The following DACH2 variants were observed in gnomAD, a reference collection of about 807,000 sequenced individuals.
The protein encoded by DACH2 is dachshund homolog 2.
A neutral mutation model predicts 35.8 loss-of-function variants in DACH2; 17 were observed. That is an observed-to-expected ratio of 0.48 (90% CI 0.33 to 0.71). The LOEUF (loss-of-function observed/expected upper bound fraction) is 0.71. DACH2 is among the 30% of genes least tolerant of loss of function. The pLI, the probability that DACH2 is intolerant of heterozygous loss-of-function variation, is 0.02. For synonymous variants in DACH2, 195 were observed against 177.3 expected (o/e 1.10, Z -0.79); for missense variants, 469 against 472.7 (o/e 0.99, Z 0.07).
intron 2 of DACH2, among the ~76,000 whole-genome samples, chrX:86,394,682 G>T (rs1359407145): frequency 1.8e-5 from 2 of 111,696 alleles, no homozygotes; most frequent in Non-Finnish European, 3.8e-5. Context: ...AAATGGTAAA[G>T]ATTTTTAAAA....
chrX:86,708,796 A>G (rs2041247551), intron 5 of DACH2, among the ~76,000 whole-genome samples: 1 of 111,584 alleles, frequency 9.0e-6, no homozygotes, highest in South Asian at 3.8e-4. Flanking sequence ...TAAAAACACA[A>G]AATTGTTTAA....
intron 1 of DACH2, among the ~76,000 whole-genome samples, chrX:86,355,637 C>T (rs755838295): frequency 3.7e-4 from 41 of 111,813 alleles, no homozygotes; most frequent in East Asian, 1.7e-3. Flanking sequence ...TCAAGCAATC[C>T]TCCTACATCA....
Position 86,404,110 on chromosome X carries a change from G to A in DACH2, c.527+27248G>A, listed in dbSNP as rs904447703. ...CTTTCACAACACGTTGGGATTATGG[G>A]AACTACCATTCAAGATGAGATTTTT... On this transcript the variant is annotated intron_variant, in intron 2 of 11. Coordinates refer to ENST00000373125, the MANE Select transcript of DACH2 (RefSeq NM_053281.3). Among the ~76,000 whole-genome samples, 3 of 110,695 alleles carry A rather than the reference G, an allele frequency of 2.7e-5. No individual in the cohort carries two copies. The Admixed American group carries it at 2.9e-4, about 11-fold the overall frequency.
intron 3 of DACH2, among the ~76,000 whole-genome samples, chrX:86,553,234 C>G (rs1247992858): frequency 9.0e-6 from 1 of 111,295 alleles, no homozygotes; most frequent in Non-Finnish European, 1.9e-5. Flanking sequence ...GTCCAAGAGT[C>G]CAAAAGCTGA....
At chrX:86,427,273 G>A (rs1019151256) in intron 2 of DACH2, among the ~76,000 whole-genome samples, 1 of 111,176 alleles carries the variant, frequency 9.0e-6, no homozygotes, top group East Asian at 2.8e-4. Flanking sequence ...GAGAGATGGG[G>A]TTTTTAGATT....
intron 3 of DACH2, among the ~76,000 whole-genome samples, chrX:86,534,383 T>C (rs1459456011): frequency 1.8e-5 from 2 of 112,487 alleles, no homozygotes; most frequent in Admixed American, 9.4e-5. Context: ...TTTTGAATTG[T>C]ATCATGTATG....
intron 4 of DACH2, among the ~76,000 whole-genome samples, chrX:86,652,535 A>G (rs188690138): frequency 2.7e-5 from 3 of 112,116 alleles, no homozygotes; most frequent in Middle Eastern, 4.7e-3. Flanking sequence ...TGCTTTCCCT[A>G]ATAGTTGAAC....
intron 3 of DACH2, among the ~76,000 whole-genome samples, chrX:86,594,648 T>G (rs1405987811): frequency 3.6e-5 from 4 of 112,064 alleles, no homozygotes; most frequent in Non-Finnish European, 7.5e-5. Flanking sequence ...TTGTTATTGA[T>G]TTCTAGTTTA....
chrX:86,359,397 G>A lies in DACH2; in HGVS notation c.489-17427G>A, dbSNP rs138321939. 4.8e-3 allele frequency among the ~76,000 whole-genome samples: 531 copies of A among 110,914 alleles called. 18 individuals carry two copies. In the East Asian group the frequency reaches 0.091, roughly 19 times the overall value. On this transcript the variant is annotated intron_variant, in intron 1 of 11. Transcript: ENST00000373125. ...CATTTTGTATTATCCTAGAGTGCAC[G>A]ATTTTCTAATAGCATTAGATCAGGG... is the stretch of plus-strand genomic sequence containing the variant.
intron 7 of DACH2, among the ~76,000 whole-genome samples, chrX:86,770,091 T>C (rs1191292654): frequency 1.8e-5 from 2 of 110,967 alleles, no homozygotes; most frequent in South Asian, 3.8e-4. Flanking sequence ...TCATTTTATA[T>C]GGAGAATACA....
intron 7 of DACH2, among the ~76,000 whole-genome samples, chrX:86,761,426 G>T (rs748931988): frequency 8.9e-6 from 1 of 111,881 alleles, no homozygotes; most frequent in East Asian, 2.8e-4. Context: ...CAGAGAAATA[G>T]GGATGCTTTT....
chrX:86,703,071 A>G (rs1269960118), intron 5 of DACH2, among the ~76,000 whole-genome samples: 1 of 111,360 alleles, frequency 9.0e-6, no homozygotes, highest in East Asian at 2.8e-4. Flanking sequence ...ATAATACACC[A>G]TGATCAAGTG....
rs3034441 is a variant in DACH2, at chrX:86,240,437, GATTATTATTATT to G, written c.488+91361_488+91372del. ...ATTCATCACCATGGTGGTTGTATCAGATTATTATTATTATTATTATTATTATTATTATTATTA... is the reference window on the plus strand; with the variant it reads ...ATTCATCACCATGGTGGTTGTATCAGATTATTATTATTATTATTATTATTA... On this transcript the variant is annotated intron_variant, in intron 1 of 11. Transcript: ENST00000373125. Among the ~76,000 whole-genome samples the G allele has an allele frequency of 3.2e-3, 306 of 95,074 alleles. 2 individuals are homozygous for G. The highest frequency in any genetic ancestry group is 0.01 in the African/African-American group (257 of 25,474). The allele number at this position is 95,074 out of a possible 115,157, so 82.6% of individuals were successfully genotyped here.
chrX:86,432,786 T>G (rs2037006176), intron 2 of DACH2, among the ~76,000 whole-genome samples: 1 of 112,338 alleles, frequency 8.9e-6, no homozygotes, highest in African/African-American at 3.2e-5. Flanking sequence ...ATTTACAGAA[T>G]TTTACACTTG....
intron 3 of DACH2, among the ~76,000 whole-genome samples, chrX:86,576,073 A>G (rs959571967): frequency 4.5e-5 from 5 of 112,190 alleles, no homozygotes; most frequent in Admixed American, 3.8e-4. Flanking sequence ...CATTTACTCA[A>G]CAAATACTTA....
At chrX:86,356,430 C>T (rs2035643955) in intron 1 of DACH2, among the ~76,000 whole-genome samples, 1 of 111,409 alleles carries the variant, frequency 9.0e-6, no homozygotes, top group African/African-American at 3.3e-5. Flanking sequence ...GTTTTCATTA[C>T]TGTAGCCTTG....
intron 4 of DACH2, among the ~76,000 whole-genome samples, chrX:86,683,785 A>C (rs781426867): frequency 9.0e-6 from 1 of 111,538 alleles, no homozygotes; most frequent in Non-Finnish European, 1.9e-5. Context: ...ATTGCTTTAC[A>C]TATTCTGTCC....
intron 5 of DACH2, among the ~76,000 whole-genome samples, chrX:86,695,415 G>T (rs1240957140): frequency 1.8e-5 from 2 of 109,753 alleles, no homozygotes; most frequent in Non-Finnish European, 3.8e-5. Flanking sequence ...GAAAGTAGAG[G>T]TACATAAGTA....
At chrX:86,630,853 T>C (rs952320026) in intron 3 of DACH2, among the ~76,000 whole-genome samples, 2 of 111,344 alleles carry the variant, frequency 1.8e-5, no homozygotes, top group Non-Finnish European at 3.8e-5. Context: ...GTGCCTGTTA[T>C]GCATTTTCAG....
Sources: gnomAD v4.1 joint callset for allele counts (sites outside exome capture counted in the v4.1 genomes callset) on GRCh38, gnomAD v4.1.1 for gene constraint, MANE v1.5 for transcripts, NCBI Gene and HGNC (gene_info 2026-07-23, HGNC 2026-07-21) for gene names.